The following ANKRD28 variants were observed in gnomAD, a reference collection of about 807,000 sequenced individuals.
ANKRD28 encodes the protein ankyrin repeat domain 28, also known as serine/threonine-protein phosphatase 6 regulatory ankyrin repeat subunit A.
ANKRD28 carries 44 observed loss-of-function variants against 126.5 expected under a neutral mutation model. The observed-to-expected ratio is 0.35, with a 90% CI of 0.27 to 0.45. The LOEUF (loss-of-function observed/expected upper bound fraction) is 0.45. Ranked by LOEUF, ANKRD28 falls within the 20% of genes least tolerant of loss-of-function variation. The pLI is 1.00. For missense variants in ANKRD28, 1,110 were observed against 1,316.6 expected (o/e 0.84, Z 2.43); for synonymous variants, 442 against 468.5 (o/e 0.94, Z 0.73).
At position 15,688,119 on chromosome 3, in the gene ANKRD28, TAAGGGACTGGCTAATGTCTCAGTTC is replaced by T. The variant is rs550636777; in HGVS notation, c.1964-1835_1964-1811del. 7.3e-3 allele frequency among the ~76,000 whole-genome samples: 1,115 copies of T among 152,330 alleles called. 8 individuals are homozygous for T. Among genetic ancestry groups the T allele is most frequent in the Non-Finnish European group, 0.012 (832 of 68,016 alleles). On this transcript the variant is annotated intron_variant, in intron 18 of 27. Coordinates refer to ENST00000683139, the MANE Select transcript of ANKRD28 (RefSeq NM_001349278.2). ...CTATATGGCATTGGTTAACTACTTC[TAAGGGACTGGCTAATGTCTCAGTTC>T]AATATTTACCTATTGAGAGTGCAAC...
At chr3:15,759,183 A>T (rs2058327531) in intron 3 of ANKRD28, among the ~76,000 whole-genome samples, 1 of 152,188 alleles carries the variant, frequency 6.6e-6, no homozygotes, top group African/African-American at 2.4e-5. Context: ...GAAAAAAGGA[A>T]GATTCTGATT....
chr3:15,855,658 T>C (rs1016714707), intron 1 of ANKRD28, among the ~76,000 whole-genome samples: 1 of 152,178 alleles, frequency 6.6e-6, no homozygotes, highest in Admixed American at 6.6e-5. Flanking sequence ...CTTAAAAATA[T>C]GCTAAGTGAA....
exon 1 of ANKRD28, chr3:15,859,659 G>A (rs1308365686): frequency 3.2e-5 from 5 of 158,478 alleles, no homozygotes; most frequent in African/African-American, 1.0e-4. Context: ...AGGACTCCCC[G>A]CCCTCTTCCT....
chr3:15,844,431 A>T (rs2061487698), intron 1 of ANKRD28, among the ~76,000 whole-genome samples: 2 of 152,086 alleles, frequency 1.3e-5, no homozygotes, highest in Non-Finnish European at 2.9e-5. Flanking sequence ...CTGACAATGA[A>T]AAAAGTTGTG....
chr3:15,725,124 T>C (rs1407535036), intron 6 of ANKRD28, among the ~76,000 whole-genome samples: 1 of 152,154 alleles, frequency 6.6e-6, no homozygotes, highest in Non-Finnish European at 1.5e-5. Flanking sequence ...CTGAAAATAT[T>C]TGAAAACATA....
chr3:15,688,964 CCAGA>C lies in ANKRD28; in HGVS notation c.1963+1051_1963+1054del, dbSNP rs1559339573. Among the ~76,000 whole-genome samples, 4 of 152,160 alleles carry C rather than the reference CCAGA, an allele frequency of 2.6e-5. No individual in the cohort carries two copies. In the South Asian group the frequency reaches 6.2e-4, roughly 24 times the overall value. On this transcript the variant is annotated intron_variant, in intron 18 of 27. Transcript: ENST00000683139. The stretch of plus-strand genomic sequence containing the variant: ...TTATACCAATCCAAAATAACTTCTA[CCAGA>C]AAGAAATAAATACTGCATTGTTTTG...
rs1425785700 is a variant in ANKRD28, at chr3:15,805,217, G to C, written c.28-9911C>G. Among the ~76,000 whole-genome samples, 3 of 151,606 alleles carry C rather than the reference G, an allele frequency of 2.0e-5. 1 individual carries two copies. Among genetic ancestry groups the C allele is most frequent in the Non-Finnish European group, 4.4e-5 (3 of 67,926 alleles). Reference sequence around the variant, plus strand: ...CAAACTAACACAGGTTAGTTTTCTAGAATACACCTAATATGCCAAAACTAA... The same window carrying C: ...CAAACTAACACAGGTTAGTTTTCTACAATACACCTAATATGCCAAAACTAA... On this transcript the variant is annotated intron_variant, in intron 1 of 27. Coordinates refer to the ANKRD28 transcript ENST00000399451.
At chr3:15,759,987 G>A (rs563976449) in intron 3 of ANKRD28, among the ~76,000 whole-genome samples, 6 of 152,288 alleles carry the variant, frequency 3.9e-5, no homozygotes, top group African/African-American at 9.6e-5. Flanking sequence ...AAGAGACCAA[G>A]AAGGCATCTT....
chr3:15,798,849 C>T (rs1403429989), upstream of ANKRD28, among the ~76,000 whole-genome samples: 1 of 151,912 alleles, frequency 6.6e-6, no homozygotes, highest in Non-Finnish European at 1.5e-5. Flanking sequence ...ACCATGGTCC[C>T]CCTTCAATCT....
chr3:15,805,609 T>C (rs2060560538), intron 1 of ANKRD28, among the ~76,000 whole-genome samples: 1 of 152,202 alleles, frequency 6.6e-6, no homozygotes, highest in African/African-American at 2.4e-5. Flanking sequence ...TTAAAATCAG[T>C]TGAGTGCAAA....
intron 11 of ANKRD28, among the ~76,000 whole-genome samples, chr3:15,711,683 G>A (rs979146559): frequency 1.3e-5 from 2 of 151,642 alleles, no homozygotes; most frequent in African/African-American, 4.8e-5. Flanking sequence ...GGATGAAGAG[G>A]TTTTCTGTAT....
chr3:15,710,381 T>C (rs1490859638), intron 12 of ANKRD28, among the ~76,000 whole-genome samples: 2 of 152,168 alleles, frequency 1.3e-5, no homozygotes. Context: ...CTCAAGTCTG[T>C]TGTCCCTCTC....
rs192220396 is a variant in ANKRD28 at position 15,698,314 on chromosome 3, C to T, written c.1548-2069G>A. 5.8e-3 allele frequency among the ~76,000 whole-genome samples: 883 copies of T among 152,264 alleles called. 5 individuals are homozygous for T. Among genetic ancestry groups the T allele is most frequent in the African/African-American group, 0.02 (842 of 41,554 alleles). On this transcript the variant is annotated intron_variant, in intron 14 of 27. Coordinates refer to ENST00000683139, the MANE Select transcript of ANKRD28 (RefSeq NM_001349278.2). ...AATGGGCAAAAACTGGAAGCATTCC[C>T]TTTGAAAACTGGCACAAGACAGGGA...
At position 15,846,017 on chromosome 3, in the gene ANKRD28, A is replaced by AT. The variant is rs2061522704; in HGVS notation, c.27+13359dup. ...TTGGGTGGGGACACAGAGCCAAACCATATCATTCCACACCTGGCCACTCCC... is the reference window on the plus strand; with the variant it reads ...TTGGGTGGGGACACAGAGCCAAACCATTATCATTCCACACCTGGCCACTCCC... On this transcript the variant is annotated intron_variant, in intron 1 of 27. Coordinates refer to the ANKRD28 transcript ENST00000399451. This position sits in a 1 kb window ranked among gnomAD's most constrained non-coding sequence, Gnocchi z 5.4. Among the ~76,000 whole-genome samples, 1 of 152,132 alleles carries AT rather than the reference A, an allele frequency of 6.6e-6. No individual in the cohort carries two copies. The highest frequency in any genetic ancestry group is 2.1e-4 in the South Asian group (1 of 4,826).
At chr3:15,774,518 C>T (rs914674658) in intron 2 of ANKRD28, among the ~76,000 whole-genome samples, 1 of 152,078 alleles carries the variant, frequency 6.6e-6, no homozygotes, top group African/African-American at 2.4e-5. Flanking sequence ...CACTACCTCA[C>T]ATTATATGTA....
At position 15,850,202 on chromosome 3, in the gene ANKRD28, A is replaced by ATATATATATATATAT. The variant is rs1455598240; in HGVS notation, c.27+9174_27+9175insATATATATATATATA. The stretch of plus-strand genomic sequence containing the variant: ...TATCTACATGCAATAAAAAAAAAAA[A>ATATATATATATATAT]AAATATATATATATATATATATAGA... On this transcript the variant is annotated intron_variant, in intron 1 of 27. Coordinates refer to the ANKRD28 transcript ENST00000399451. Among the ~76,000 whole-genome samples, 96 of 54,970 alleles carry ATATATATATATATAT rather than the reference A, an allele frequency of 1.7e-3. 3 individuals carry two copies. Among genetic ancestry groups the ATATATATATATATAT allele is most frequent in the East Asian group, 4.3e-3 (11 of 2,574 alleles). The allele number at this position is 54,970 out of a possible 152,430, so 36.1% of individuals were successfully genotyped here.
chr3:15,851,854 A>C (rs1384461860), intron 1 of ANKRD28, among the ~76,000 whole-genome samples: 1 of 152,252 alleles, frequency 6.6e-6, no homozygotes, highest in Admixed American at 6.5e-5. Flanking sequence ...TCAGCATAAC[A>C]ACCAAAAAAT....
chr3:15,782,020 C>T (rs1041547591), intron 2 of ANKRD28, among the ~76,000 whole-genome samples: 8 of 152,056 alleles, frequency 5.3e-5, no homozygotes, highest in Non-Finnish European at 1.2e-4. Flanking sequence ...TCTTTTCTGA[C>T]AGTTTTTCCT....
At chr3:15,673,009 C>T (rs1214485318) in intron 27 of ANKRD28, among the ~76,000 whole-genome samples, 4 of 84,336 alleles carry the variant, frequency 4.7e-5, no homozygotes, top group African/African-American at 2.0e-4. Context: ...CTCCTGACCT[C>T]AGGTGATCCA....
Sources: allele counts gnomAD v4.1 joint callset (sites outside exome capture counted in the v4.1 genomes callset), GRCh38; gene constraint gnomAD v4.1.1; non-coding constraint Gnocchi (gnomAD v3.1); transcripts MANE v1.5; gene names NCBI Gene and HGNC (gene_info 2026-07-23, HGNC 2026-07-21).